Variants in SLC25A18 observed in about 807,000 individuals in gnomAD.
SLC25A18 encodes mitochondrial glutamate carrier 2.
A neutral mutation model predicts 31.1 loss-of-function variants in SLC25A18; 24 were observed. That is an observed-to-expected ratio of 0.77 (90% CI 0.56 to 1.08). The LOEUF is 1.08. Ranked by LOEUF, SLC25A18 falls within the 50% of genes least tolerant of loss-of-function variation. SLC25A18 has a pLI of 0.00. For synonymous variants in SLC25A18, 173 were observed against 161.9 expected (o/e 1.07, Z -0.52); for missense variants, 371 against 418.5 (o/e 0.89, Z 0.99).
intron 7 of SLC25A18, 145 bp downstream of exon 7, chr22:17,583,679 C>T (rs1378505972): frequency 8.8e-7 from 1 of 1,142,648 alleles, no homozygotes; most frequent in South Asian, 1.5e-5. Context: ...CATGGTGGCT[C>T]ATGCCTGTAA....
Position 17,587,786 on chromosome 22 carries a change from C to T in SLC25A18, c.576-139C>T, listed in dbSNP as rs532501705. ...CCCTGCTGTCCCTCACCCACGCTCA[C>T]GGGGCACAAAAGAAGGGATGAGTCC... On this transcript the variant is annotated intron_variant, in intron 8 of 10. Coordinates refer to ENST00000327451, the MANE Select transcript of SLC25A18 (RefSeq NM_031481.3). 6.9e-5 allele frequency: 72 copies of T among 1,038,302 alleles called. 1 individual carries two copies. The highest frequency in any genetic ancestry group is 3.7e-4 in the Admixed American group (16 of 42,870). The allele number at this position is 1,038,302 out of a possible 1,614,324, so 64.3% of individuals were successfully genotyped here.
In SLC25A18 at chr22:17,583,526, G is replaced by C. The variant is rs926048533; in HGVS notation, c.401G>C (p.Gly134Ala). ...EMLKIQLQDA[G>A]RLAVHHQGSA... ...CTCAAGATTCAGCTGCAGGATGCTG[G>C]ACGCCTGGGTGAGGCCTGTCCCCAC... is the stretch of plus-strand genomic sequence containing the variant. The change falls in exon 7 of 11, where the codon GGA becomes GCA. Residue 134 changes from glycine to alanine, a missense_variant. Transcript: ENST00000327451. The C allele has an allele frequency of 5.0e-6, 8 of 1,613,670 alleles. No individual in the cohort carries two copies. The African/African-American group carries it at 1.1e-4, about 22-fold the overall frequency.
Position 17,581,362 on chromosome 22 carries a change from G to A in SLC25A18, c.148G>A (p.Asp50Asn), listed in dbSNP as rs2057368815. ...TACTCTGGCCTCTGCTTCCAGGATC[G>A]ACTGCCTGATGAAGACGGCTCGGGC... Reference protein sequence around the residue: ...HGKAMYKGMIDCLMKTARAEG... With the variant: ...HGKAMYKGMINCLMKTARAEG... The change falls in exon 5 of 11, where the codon GAC becomes AAC. Residue 50 changes from aspartate to asparagine, a missense_variant. Physicochemically the swap from Asp to Asn is conservative, Grantham distance 23. Coordinates refer to ENST00000327451, the MANE Select transcript of SLC25A18 (RefSeq NM_031481.3). 1.2e-6 allele frequency: 2 copies of A among 1,613,980 alleles called. No individual in the cohort carries two copies. Among genetic ancestry groups the A allele is most frequent in the South Asian group, 2.2e-5 (2 of 91,078 alleles).
chr22:17,587,308 C>A lies in SLC25A18; in HGVS notation c.575+7C>A, dbSNP rs774624855. ...TGGGTGCCACTCTCCTCAGGTGAGC[C>A]TTTCTTCCGGTTCCCTAGGACAAGT... On this transcript the variant is annotated splice_region_variant and intron_variant, in intron 8 of 10. Coordinates refer to ENST00000327451, the MANE Select transcript of SLC25A18 (RefSeq NM_031481.3). 20 of 1,607,676 alleles carry A rather than the reference C, an allele frequency of 1.2e-5. No homozygotes were observed. In the East Asian group the frequency reaches 4.2e-4, roughly 34 times the overall value.
chr22:17,579,641 GGTTTAGGAAGGGAAAAAA>G, intron 2 of SLC25A18, 86 bp from the exon 3 acceptor site: 1 of 951,988 alleles, frequency 1.1e-6, no homozygotes. Context: ...AAGTCCAAAA[GGTTTAGGAAGGGAAAAAA>G]GTGGAGCAAG....
At chr22:17,585,632 TTTA>T (rs1321633226) in intron 7 of SLC25A18, among the ~76,000 whole-genome samples, 39 of 140,882 alleles carry the variant, frequency 2.8e-4, no homozygotes, top group East Asian at 1.0e-3. Flanking sequence ...TATTATTTAT[TTTA>T]TTATTATTAT....
intron 9 of SLC25A18, chr22:17,588,331 A>G (rs1275158917): frequency 6.9e-6 from 3 of 432,442 alleles, no homozygotes; most frequent in East Asian, 4.8e-5. Context: ...AGCCCCAGCT[A>G]TAAATTATTG....
In SLC25A18 at chr22:17,590,162, G is replaced by GCAC; in HGVS notation, c.876_878dup (p.Pro293dup). The GCAC allele has an allele frequency of 6.2e-7, 1 of 1,614,228 alleles. No individual in the cohort carries two copies. Among genetic ancestry groups the GCAC allele is most frequent in the Non-Finnish European group, 8.5e-7 (1 of 1,180,038 alleles). The stretch of plus-strand genomic sequence containing the variant: ...CGCTGGCTGCCGGGCACTGGTCATA[G>GCAC]CACCTCTCTTTGGGATTGCTCAAGG... On this transcript the variant is annotated inframe_insertion, in exon 11 of 11. Coordinates refer to ENST00000327451, the MANE Select transcript of SLC25A18 (RefSeq NM_031481.3).
intron 1 of SLC25A18, among the ~76,000 whole-genome samples, chr22:17,567,801 G>A (rs2056975440): frequency 6.6e-6 from 1 of 150,822 alleles, no homozygotes; most frequent in South Asian, 2.1e-4. Context: ...CAACTCACTT[G>A]TAGGAATGCT....
intron 7 of SLC25A18, chr22:17,583,988 C>G: frequency 2.3e-6 from 2 of 879,734 alleles, no homozygotes; most frequent in Non-Finnish European, 2.7e-6. Context: ...TTCATCAATG[C>G]TGCCAGCTCT....
In SLC25A18 at chr22:17,588,056, C is replaced by A; in HGVS notation, c.707C>A (p.Ala236Glu). ...GGCTGTGTGGCAGGTTCCATAGCTG[C>A]GGTCGCAGTGACGCCTCTAGATGGT... ...VSGCVAGSIAAVAVTPLDVLK... is the reference protein window; with the variant it reads ...VSGCVAGSIAEVAVTPLDVLK... Residue 236 changes from alanine to glutamate, a missense_variant, in exon 9 of 11, where the codon GCG (alanine) becomes GAG (glutamate). Transcript: ENST00000327451. 10 of 1,614,180 alleles carry A rather than the reference C, an allele frequency of 6.2e-6. No homozygotes were observed. Among genetic ancestry groups the A allele is most frequent in the Non-Finnish European group, 6.8e-6 (8 of 1,180,030 alleles).
Position 17,587,730 on chromosome 22 carries a change from C to G in SLC25A18, c.576-195C>G, listed in dbSNP as rs8138249. 0.022 allele frequency: 14,024 copies of G among 646,574 alleles called. 1,445 individuals are homozygous for G. In the African/African-American group the frequency reaches 0.23, roughly 10 times the overall value. The allele number at this position is 646,574 out of a possible 1,614,324, so 40.1% of individuals were successfully genotyped here. On this transcript the variant is annotated intron_variant, in intron 8 of 10. Coordinates refer to ENST00000327451, the MANE Select transcript of SLC25A18 (RefSeq NM_031481.3). ...TGCAGGGCAGAGGAAGGAGCTGGGA[C>G]GGCGGAACAGATGGCAACAGCTCTT...
intron 2 of SLC25A18, 168 bp downstream of exon 2, chr22:17,570,154 C>A: frequency 3.9e-6 from 1 of 259,516 alleles, no homozygotes; most frequent in Non-Finnish European, 6.0e-6. Context: ...CCGCCCCTGA[C>A]CATGGGGTAT....
intron 1 of SLC25A18, among the ~76,000 whole-genome samples, chr22:17,564,397 A>G (rs560506741): frequency 1.3e-5 from 2 of 152,248 alleles, no homozygotes; most frequent in African/African-American, 2.4e-5. Context: ...GTAACTAGCA[A>G]CAGATGCAAC....
intron 1 of SLC25A18, among the ~76,000 whole-genome samples, chr22:17,567,374 C>T (rs1269278195): frequency 6.6e-6 from 1 of 152,138 alleles, no homozygotes; most frequent in Non-Finnish European, 1.5e-5. Context: ...CAAGTCCACT[C>T]TACAGCCTCA....
chr22:17,587,317 G>C lies in SLC25A18; in HGVS notation c.575+16G>C, dbSNP rs375464853. On this transcript the variant is annotated intron_variant, in intron 8 of 10. Coordinates refer to ENST00000327451, the MANE Select transcript of SLC25A18 (RefSeq NM_031481.3). ...CTCTCCTCAGGTGAGCCTTTCTTCC[G>C]GTTCCCTAGGACAAGTGCACGGGGG... 2.2e-5 allele frequency: 35 copies of C among 1,604,884 alleles called. No homozygotes were observed. The South Asian group carries it at 3.8e-4, about 17-fold the overall frequency.
intron 2 of SLC25A18, among the ~76,000 whole-genome samples, chr22:17,573,256 C>T (rs2057145388): frequency 6.6e-6 from 1 of 152,168 alleles, no homozygotes; most frequent in Admixed American, 6.6e-5. Flanking sequence ...CAGGGTGGGC[C>T]ACAGGTTAGT....
intron 7 of SLC25A18, among the ~76,000 whole-genome samples, chr22:17,584,399 AAAAG>A (rs1187381986): frequency 3.6e-3 from 396 of 110,792 alleles, no homozygotes; most frequent in Non-Finnish European, 5.6e-3. Context: ...TCTCAAAAAG[AAAAG>A]AAAGAAAGAA....
chr22:17,564,857 C>A (rs1405098687), intron 1 of SLC25A18, among the ~76,000 whole-genome samples: 211 of 112,268 alleles, frequency 1.9e-3, no homozygotes, highest in Non-Finnish European at 2.0e-3. Context: ...ACTCTGTCTC[C>A]AAAAAAAAAA....
Sources: allele counts gnomAD v4.1 joint callset (sites outside exome capture counted in the v4.1 genomes callset), GRCh38; gene constraint gnomAD v4.1.1; transcripts MANE v1.5; gene names NCBI Gene and HGNC (gene_info 2026-07-23, HGNC 2026-07-21).